Variants in SGCZ observed in about 807,000 individuals in gnomAD.
SGCZ encodes zeta-sarcoglycan.
Under a neutral mutation model 41.3 loss-of-function variants are expected in SGCZ, and 40 were observed. The ratio of observed to expected loss-of-function variants is 0.97; its 90% CI spans 0.75 to 1.26. The LOEUF is 1.26. SGCZ is among the 50% of genes most tolerant of loss of function. SGCZ has a pLI of 0.00. For missense variants in SGCZ, 552 were observed against 369.8 expected (o/e 1.49, Z -4.04); for synonymous variants, 206 against 137.5 (o/e 1.50, Z -3.49).
chr8:14,822,730 G>A (rs1802149123), intron 1 of SGCZ, among the ~76,000 whole-genome samples: 1 of 151,850 alleles, frequency 6.6e-6, no homozygotes, highest in Admixed American at 6.6e-5. Context: ...GGATAAGACA[G>A]TCTCTTCAAT....
intron 2 of SGCZ, among the ~76,000 whole-genome samples, chr8:14,351,919 C>A: frequency 6.6e-6 from 1 of 152,026 alleles, no homozygotes; most frequent in Non-Finnish European, 1.5e-5. Context: ...AACACGGACA[C>A]TTTGTTTAAT....
chr8:14,256,623 A>G (rs1469390863), intron 3 of SGCZ, among the ~76,000 whole-genome samples: 1 of 152,190 alleles, frequency 6.6e-6, no homozygotes, highest in Non-Finnish European at 1.5e-5. Flanking sequence ...ATAAAAAACT[A>G]TGATTTTACA....
intron 1 of SGCZ, among the ~76,000 whole-genome samples, chr8:14,822,073 T>TAC (rs57337707): frequency 0.18 from 25,478 of 141,478 alleles, 2,431 homozygotes; most frequent in African/African-American, 0.28. Context: ...CCCTAAAGAT[T>TAC]ACACACACAC....
At chr8:14,325,743 CACACATAT>C (rs1393917970) in intron 2 of SGCZ, among the ~76,000 whole-genome samples, 7 of 66,876 alleles carry the variant, frequency 1.0e-4, no homozygotes, top group Admixed American at 1.9e-4. Context: ...CACACACACA[CACACATAT>C]ATATATATAT....
At chr8:14,355,910 T>C (rs1438795468) in intron 2 of SGCZ, among the ~76,000 whole-genome samples, 3 of 152,190 alleles carry the variant, frequency 2.0e-5, no homozygotes, top group Non-Finnish European at 4.4e-5. Flanking sequence ...TTGATGTTCC[T>C]CCACTTACAG....
At chr8:15,116,543 C>G (rs12335331) in intron 1 of SGCZ, among the ~76,000 whole-genome samples, 23,929 of 152,146 alleles carry the variant, frequency 0.16, 1,980 homozygotes, top group East Asian at 0.27. Flanking sequence ...ACAAGTCTTA[C>G]TTTATTAAAC....
At chr8:14,454,173 A>G (rs1282480414) in intron 2 of SGCZ, among the ~76,000 whole-genome samples, 2 of 152,162 alleles carry the variant, frequency 1.3e-5, no homozygotes, top group Non-Finnish European at 2.9e-5. Flanking sequence ...GTAAGAGCCA[A>G]GGTATGGTGG....
chr8:14,580,941 A>G (rs1279003389), intron 1 of SGCZ, among the ~76,000 whole-genome samples: 1 of 152,194 alleles, frequency 6.6e-6, no homozygotes, highest in Non-Finnish European at 1.5e-5. Flanking sequence ...TTTCAAAGGA[A>G]AAGTAAATTG....
intron 4 of SGCZ, among the ~76,000 whole-genome samples, chr8:14,231,615 C>G (rs542939348): frequency 5.4e-4 from 82 of 152,088 alleles, no homozygotes; most frequent in African/African-American, 1.9e-3. Flanking sequence ...TGTCTCCCAT[C>G]CACAATTATT....
chr8:14,485,286 G>A (rs1281941528), intron 2 of SGCZ, among the ~76,000 whole-genome samples: 1 of 152,118 alleles, frequency 6.6e-6, no homozygotes, highest in East Asian at 1.9e-4. Flanking sequence ...GCCCCCGCTG[G>A]AATGCAGTGG....
chr8:15,172,152 C>CGGTTTTTT (rs1322884184), intron 1 of SGCZ, among the ~76,000 whole-genome samples: 43 of 70,536 alleles, frequency 6.1e-4, no homozygotes, highest in African/African-American at 8.7e-4. Context: ...CTTTTATACT[C>CGGTTTTTT]TGTTTTTTTT....
intron 1 of SGCZ, among the ~76,000 whole-genome samples, chr8:15,150,350 T>A (rs754659209): frequency 2.0e-5 from 3 of 152,236 alleles, no homozygotes; most frequent in Non-Finnish European, 2.9e-5. Flanking sequence ...TGGTTGAATT[T>A]AAGTCAGTCG....
At chr8:15,074,783 C>A (rs1805469346) in intron 1 of SGCZ, among the ~76,000 whole-genome samples, 1 of 152,126 alleles carries the variant, frequency 6.6e-6, no homozygotes, top group African/African-American at 2.4e-5. Flanking sequence ...AATACATATT[C>A]ATGCGTGGAA....
chr8:14,345,734 A>T (rs1802871078), intron 2 of SGCZ, among the ~76,000 whole-genome samples: 1 of 152,134 alleles, frequency 6.6e-6, no homozygotes, highest in Non-Finnish European at 1.5e-5. Flanking sequence ...TCTACTAGGC[A>T]TTCCAAAGTT....
At chr8:14,399,438 G>T (rs900382302) in intron 2 of SGCZ, among the ~76,000 whole-genome samples, 2 of 151,922 alleles carry the variant, frequency 1.3e-5, no homozygotes, top group Non-Finnish European at 2.9e-5. Context: ...CTGGACTTCT[G>T]TTTTTTAAAA....
intron 5 of SGCZ, among the ~76,000 whole-genome samples, chr8:14,153,613 G>T (rs978602140): frequency 6.6e-6 from 1 of 152,104 alleles, no homozygotes; most frequent in Non-Finnish European, 1.5e-5. Flanking sequence ...TCAGCCACAG[G>T]CAGGTACTAC....
At chr8:14,101,315 A>G (rs1468918266) in intron 7 of SGCZ, among the ~76,000 whole-genome samples, 3 of 151,690 alleles carry the variant, frequency 2.0e-5, no homozygotes, top group Non-Finnish European at 4.4e-5. Context: ...AAGGTGTGAA[A>G]ATGCAAAGTT....
chr8:14,965,350 G>C (rs1801098890), intron 1 of SGCZ, among the ~76,000 whole-genome samples: 1 of 152,086 alleles, frequency 6.6e-6, no homozygotes, highest in African/African-American at 2.4e-5. Context: ...TCCCATTTTT[G>C]ATTGGGATTT....
chr8:14,961,462 T>C (rs894768453), intron 1 of SGCZ, among the ~76,000 whole-genome samples: 3 of 152,162 alleles, frequency 2.0e-5, no homozygotes, highest in Non-Finnish European at 4.4e-5. Flanking sequence ...CGTGGTACCA[T>C]ACAATAAGGT....
Sources: gnomAD v4.1 joint callset for allele counts (sites outside exome capture counted in the v4.1 genomes callset) on GRCh38, gnomAD v4.1.1 for gene constraint, MANE v1.5 for transcripts, NCBI Gene and HGNC (gene_info 2026-07-23, HGNC 2026-07-21) for gene names.